Variants in TTC9C observed in about 807,000 individuals in gnomAD.
TTC9C encodes the protein tetratricopeptide repeat protein 9C.
TTC9C carries 15 observed loss-of-function variants against 22.5 expected under a neutral mutation model. The ratio of observed to expected loss-of-function variants is 0.67; its 90% CI spans 0.45 to 1.03. TTC9C has a LOEUF of 1.03. Ranked by LOEUF, TTC9C falls within the 50% of genes least tolerant of loss-of-function variation. The pLI, the probability that TTC9C is intolerant of heterozygous loss-of-function variation, is 0.00. For synonymous variants in TTC9C, 92 were observed against 86.8 expected, an observed-to-expected ratio of 1.06 and a Z score of -0.33; for missense variants, 244 against 214.6, an observed-to-expected ratio of 1.14 and a Z score of -0.86.
Position 62,738,316 on chromosome 11 carries a change from G to A in TTC9C, c.450G>A (p.Leu150=), listed in dbSNP as rs1172827358. The part of the protein sequence containing the change: ...KDANVRRYLQ[L]TQSELSSYHR... Reference sequence around the variant, plus strand: ...CCAACGTCCGGCGGTACCTCCAGCTGACACAGTCAGAACTCAGCAGCTACC... The same window carrying A: ...CCAACGTCCGGCGGTACCTCCAGCTAACACAGTCAGAACTCAGCAGCTACC... The change falls in exon 3 of 3, where the codon CTG becomes CTA. Residue 150 remains leucine (L), a synonymous_variant. Transcript: ENST00000316461. The A allele has an allele frequency of 1.2e-6, 2 of 1,612,754 alleles. No individual in the cohort carries two copies. The highest frequency in any genetic ancestry group is 1.7e-6 in the Non-Finnish European group (2 of 1,179,452).
Position 62,729,965 on chromosome 11 carries a change from G to A in TTC9C, c.238+879G>A, listed in dbSNP as rs563593163. On this transcript the variant is annotated intron_variant, in intron 1 of 2. Coordinates refer to ENST00000316461, the MANE Select transcript of TTC9C (RefSeq NM_173810.4). Reference sequence around the variant, plus strand: ...AGGGAAAAACTATACTTAAGGTCAGGCCATTGTTTATTTAAGGGACATTTA... The same window carrying A: ...AGGGAAAAACTATACTTAAGGTCAGACCATTGTTTATTTAAGGGACATTTA... 7.7e-4 allele frequency among the ~76,000 whole-genome samples: 117 copies of A among 152,320 alleles called. 1 individual carries two copies. The highest frequency in any genetic ancestry group is 2.5e-3 in the African/African-American group (106 of 41,582).
chr11:62,735,138 C>T lies in TTC9C; in HGVS notation c.239-244C>T, dbSNP rs545253726. ...CGAACTCCCGACCTCAGGTGATCCA[C>T]CCGTCTCGGCCTCCCAAAGTGCTGG... is the stretch of plus-strand genomic sequence containing the variant. On this transcript the variant is annotated intron_variant, in intron 1 of 2. Coordinates refer to ENST00000316461, the MANE Select transcript of TTC9C (RefSeq NM_173810.4). Among the ~76,000 whole-genome samples, 67 of 152,310 alleles carry T rather than the reference C, an allele frequency of 4.4e-4. No homozygotes were observed. In the East Asian group the frequency reaches 6.2e-3, roughly 14 times the overall value.
rs181054306 is a variant in TTC9C at position 62,737,510 on chromosome 11, A to G, written c.422-778A>G. On this transcript the variant is annotated intron_variant, in intron 2 of 2. Transcript: ENST00000316461. ...TCTCCCTTTTGCATTCTGGCTTACA[A>G]TAGCCACTGGATACTAGTAGCAGAG... is the stretch of plus-strand genomic sequence containing the variant. 2.0e-5 allele frequency among the ~76,000 whole-genome samples: 3 copies of G among 152,332 alleles called. 1 individual carries two copies. The highest frequency in any genetic ancestry group is 7.2e-5 in the African/African-American group (3 of 41,578).
At chr11:62,732,850 A>T (rs1432745276) in intron 1 of TTC9C, among the ~76,000 whole-genome samples, 1 of 151,638 alleles carries the variant, frequency 6.6e-6, no homozygotes, top group Non-Finnish European at 1.5e-5. Flanking sequence ...TGAACCTGGG[A>T]TGTGGAGGTT....
chr11:62,733,116 A>G, intron 1 of TTC9C: 1 of 1,286,524 alleles, frequency 7.8e-7, no homozygotes, highest in African/African-American at 1.5e-5. Context: ...TAATTCCCAC[A>G]GTTGTGAAAT....
rs1465268941 is a variant in TTC9C at position 62,728,762 on chromosome 11, C to T, written c.-87C>T. On this transcript the variant is annotated 5_prime_UTR_variant, in exon 1 of 3. Coordinates refer to ENST00000316461, the MANE Select transcript of TTC9C (RefSeq NM_173810.4). ...GTAATTTCCTGCCTCCTTAAATTGG[C>T]TGCTACTGTCAGTTATTTTGCTCCC... 2 of 1,313,158 alleles carry T rather than the reference C, an allele frequency of 1.5e-6. No individual in the cohort carries two copies. The highest frequency in any genetic ancestry group is 1.1e-6 in the Non-Finnish European group (1 of 914,770). The allele number at this position is 1,313,158 out of a possible 1,614,324, so 81.3% of individuals were successfully genotyped here.
chr11:62,738,332 A>G lies in TTC9C; in HGVS notation c.466A>G (p.Ser156Gly), dbSNP rs1441523220. Reference protein sequence around the residue: ...RYLQLTQSELSSYHRKEKQLY... With the variant: ...RYLQLTQSELGSYHRKEKQLY... ...CCTCCAGCTGACACAGTCAGAACTC[A>G]GCAGCTACCATAGAAAAGAGAAGCA... Residue 156 changes from serine (S) to glycine (G), a missense_variant, in exon 3 of 3, where the codon AGC becomes GGC. Ser to Gly is a moderately conservative substitution (Grantham distance 56). Coordinates refer to ENST00000316461, the MANE Select transcript of TTC9C (RefSeq NM_173810.4). The G allele has an allele frequency of 1.2e-6, 2 of 1,613,352 alleles. No individual in the cohort carries two copies. The highest frequency in any genetic ancestry group is 1.1e-5 in the South Asian group (1 of 90,942).
chr11:62,735,083 C>T (rs573637810), intron 1 of TTC9C, among the ~76,000 whole-genome samples: 3 of 152,164 alleles, frequency 2.0e-5, no homozygotes, highest in South Asian at 4.1e-4. Flanking sequence ...TCAGTAGAGA[C>T]GGGGTTTCTC....
chr11:62,729,856 G>GT (rs1488439871), intron 1 of TTC9C, among the ~76,000 whole-genome samples: 2 of 151,952 alleles, frequency 1.3e-5, no homozygotes, highest in Non-Finnish European at 2.9e-5. Context: ...GATTACATGC[G>GT]TGAGCCACCG....
At chr11:62,735,699 A>C in intron 2 of TTC9C, 135 bp downstream of exon 2, 2 of 1,392,890 alleles carry the variant, frequency 1.4e-6, no homozygotes, top group African/African-American at 2.9e-5. Flanking sequence ...GAGAATTCGA[A>C]CTGAAAAAGT....
At position 62,729,513 on chromosome 11, in the gene TTC9C, C is replaced by T. The variant is rs1423359274; in HGVS notation, c.238+427C>T. Among the ~76,000 whole-genome samples the T allele has an allele frequency of 5.3e-5, 8 of 151,178 alleles. No individual in the cohort carries two copies. In the East Asian group the frequency reaches 1.2e-3, roughly 22 times the overall value. ...TCCCGGGTTCAAGCAATTCTCCTGT[C>T]TTAGCCTGCCCAGTAGCCGGGATTA... On this transcript the variant is annotated intron_variant, in intron 1 of 2. Transcript: ENST00000316461.
intron 1 of TTC9C, among the ~76,000 whole-genome samples, chr11:62,729,518 C>T (rs1362568710): frequency 6.6e-6 from 1 of 151,548 alleles, no homozygotes; most frequent in Non-Finnish European, 1.5e-5. Context: ...CCTGTCTTAG[C>T]CTGCCCAGTA....
chr11:62,734,794 A>C (rs771012558), intron 1 of TTC9C, among the ~76,000 whole-genome samples: 1 of 152,028 alleles, frequency 6.6e-6, no homozygotes, highest in African/African-American at 2.4e-5. Flanking sequence ...GTTTTAAATA[A>C]ATTTTAAAGT....
chr11:62,729,058 C>T lies in TTC9C; in HGVS notation c.210C>T (p.Thr70=). 2 of 1,614,132 alleles carry T rather than the reference C, an allele frequency of 1.2e-6. No individual in the cohort carries two copies. Among genetic ancestry groups the T allele is most frequent in the Non-Finnish European group, 1.7e-6 (2 of 1,180,030 alleles). The change falls in exon 1 of 3, where the codon ACC becomes ACT. Residue 70 remains threonine, a synonymous_variant. Coordinates refer to ENST00000316461, the MANE Select transcript of TTC9C (RefSeq NM_173810.4). The part of the protein sequence containing the change: ...TPEQENILHT[T]QTDCYNNLAA... ...AACAAGAAAACATATTGCATACCAC[C>T]CAGACAGACTGCTATAACAATCTAG...
intron 1 of TTC9C, among the ~76,000 whole-genome samples, chr11:62,729,408 T>TTTTA (rs200747333): frequency 0.16 from 21,374 of 136,304 alleles, 1,742 homozygotes; most frequent in Non-Finnish European, 0.21. Flanking sequence ...TTTTATTTTA[T>TTTTA]TTTTTTTTGA....
rs569554647 is a variant in TTC9C at position 62,736,609 on chromosome 11, G to T, written c.421+1045G>T. Among the ~76,000 whole-genome samples, 208 of 151,932 alleles carry T rather than the reference G, an allele frequency of 1.4e-3. 1 individual carries two copies. Among genetic ancestry groups the T allele is most frequent in the African/African-American group, 4.8e-3 (199 of 41,446 alleles). On this transcript the variant is annotated intron_variant, in intron 2 of 2. Coordinates refer to ENST00000316461, the MANE Select transcript of TTC9C (RefSeq NM_173810.4). ...CTCAGGAGGCTGAGGTAGGAGAATGGCATGAACTTGGGAGGCGGAGCTTGC... is the reference window on the plus strand; with the variant it reads ...CTCAGGAGGCTGAGGTAGGAGAATGTCATGAACTTGGGAGGCGGAGCTTGC...
intron 1 of TTC9C, among the ~76,000 whole-genome samples, chr11:62,731,331 C>T (rs548002666): frequency 2.0e-5 from 3 of 152,290 alleles, no homozygotes; most frequent in Non-Finnish European, 4.4e-5. Context: ...CTTAGAGAAG[C>T]CTTCTGTAGC....
At chr11:62,738,128 A>T (rs1053480988) in intron 2 of TTC9C, among the ~76,000 whole-genome samples, 160 bp from the exon 3 acceptor site, 1 of 152,212 alleles carries the variant, frequency 6.6e-6, no homozygotes, top group African/African-American at 2.4e-5. Context: ...AAATGTTATT[A>T]ATTAATGAGA....
intron 1 of TTC9C, 77 bp downstream of exon 1, chr11:62,729,163 C>A: frequency 1.5e-6 from 2 of 1,318,882 alleles, no homozygotes; most frequent in Non-Finnish European, 2.1e-6. Context: ...GGGGAAAAAA[C>A]GCTGACTTTT....
Sources: allele counts gnomAD v4.1 joint callset (sites outside exome capture counted in the v4.1 genomes callset), GRCh38; gene constraint gnomAD v4.1.1; transcripts MANE v1.5; gene names NCBI Gene and HGNC (gene_info 2026-07-23, HGNC 2026-07-21).